The following PHLPP1 variants were observed in gnomAD, a reference collection of about 807,000 sequenced individuals.
The protein encoded by PHLPP1 is PH domain leucine-rich repeat-containing protein phosphatase 1.
Under a neutral mutation model 117.2 loss-of-function variants are expected in PHLPP1, and 42 were observed. That is an observed-to-expected ratio of 0.36 (90% CI 0.28 to 0.46). The LOEUF is 0.46. Ranked by LOEUF, PHLPP1 falls within the 20% of genes least tolerant of loss-of-function variation. The pLI is 1.00. For synonymous variants in PHLPP1, 1,042 were observed against 970.7 expected (o/e 1.07, Z -1.37); for missense variants, 2,084 against 2,241.9 (o/e 0.93, Z 1.42).
rs1188729632 is a variant in PHLPP1, at chr18:62,979,951, G to A, written c.*520G>A. 6.4e-6 allele frequency: 1 copy of A among 155,128 alleles called. No homozygotes were observed. Among genetic ancestry groups the A allele is most frequent in the Non-Finnish European group, 1.4e-5 (1 of 69,958 alleles). The allele number at this position is 155,128 out of a possible 1,614,324, so 9.6% of individuals were successfully genotyped here. ...TAGGAGTTGCTTTACTCTGTCAGGT[G>A]ACTTAAGTCACTGGGATTCACTAAT... On this transcript the variant is annotated 3_prime_UTR_variant, in exon 17 of 17. Transcript: ENST00000262719.
intron 3 of PHLPP1, among the ~76,000 whole-genome samples, chr18:62,848,396 T>C (rs1915234900): frequency 6.6e-6 from 1 of 152,206 alleles, no homozygotes; most frequent in Admixed American, 6.5e-5. Flanking sequence ...TGAAGATACT[T>C]TGTAGTAGCC....
chr18:62,732,357 T>G (rs1448437780), intron 1 of PHLPP1, among the ~76,000 whole-genome samples: 1 of 152,196 alleles, frequency 6.6e-6, no homozygotes, highest in Non-Finnish European at 1.5e-5. Context: ...CTGTCTGTGC[T>G]CTATGAGTGG....
intron 4 of PHLPP1, among the ~76,000 whole-genome samples, chr18:62,862,484 T>C (rs1476281852): frequency 6.6e-6 from 1 of 152,210 alleles, no homozygotes; most frequent in African/African-American, 2.4e-5. Flanking sequence ...CATTAGAAAT[T>C]TGAAGGCCAT....
chr18:62,954,796 T>G (rs139368457), intron 12 of PHLPP1, among the ~76,000 whole-genome samples: 115 of 152,374 alleles, frequency 7.5e-4, no homozygotes, highest in African/African-American at 2.7e-3. Context: ...ACCTAAGCAC[T>G]GGTATCTCAG....
At chr18:62,741,305 G>A (rs1911520348) in intron 1 of PHLPP1, among the ~76,000 whole-genome samples, 1 of 152,178 alleles carries the variant, frequency 6.6e-6, no homozygotes, top group Non-Finnish European at 1.5e-5. Context: ...AGGTTTGTTT[G>A]TGTTCAAAAG....
chr18:62,935,451 A>G (rs1039256902), intron 10 of PHLPP1, among the ~76,000 whole-genome samples: 1 of 152,244 alleles, frequency 6.6e-6, no homozygotes, highest in Non-Finnish European at 1.5e-5. Context: ...TTTGTAGATT[A>G]CTTTGCAAAT....
intron 1 of PHLPP1, among the ~76,000 whole-genome samples, chr18:62,728,453 T>A (rs1468043583): frequency 6.6e-6 from 1 of 152,108 alleles, no homozygotes; most frequent in Non-Finnish European, 1.5e-5. Context: ...GGAGAAATTC[T>A]GGGGGCTACC....
Position 62,972,576 on chromosome 18 carries a change from T to C in PHLPP1, c.3623T>C (p.Val1208Ala). ...FCDNREALYG[V>A]FDGDRNVEVP... Reference sequence around the variant, plus strand: ...GACAACCGCGAAGCCCTGTATGGTGTGTTTGACGGAGACCGGAATGTGGAG... The same window carrying C: ...GACAACCGCGAAGCCCTGTATGGTGCGTTTGACGGAGACCGGAATGTGGAG... The change falls in exon 15 of 17, where the codon GTG becomes GCG. Residue 1208 changes from valine (V) to alanine (A), a missense_variant. Physicochemically the swap from Val to Ala is moderately conservative, Grantham distance 64. This residue lies in a region of PHLPP1 where 1,365 missense variants were observed against 1,605.9 expected (regional missense o/e 0.85). Coordinates refer to ENST00000262719, the MANE Select transcript of PHLPP1 (RefSeq NM_194449.4). The C allele has an allele frequency of 6.2e-7, 1 of 1,613,808 alleles. No individual in the cohort carries two copies. Among genetic ancestry groups the C allele is most frequent in the Non-Finnish European group, 8.5e-7 (1 of 1,179,876 alleles).
intron 1 of PHLPP1, among the ~76,000 whole-genome samples, chr18:62,778,557 T>C (rs1251165739): frequency 6.6e-6 from 1 of 152,220 alleles, no homozygotes; most frequent in Non-Finnish European, 1.5e-5. Context: ...ACCGTGCTTA[T>C]TCCATCAGGG....
chr18:62,978,280 G>A lies in PHLPP1; in HGVS notation c.4003G>A (p.Val1335Met), dbSNP rs768534794. The A allele has an allele frequency of 3.1e-6, 5 of 1,604,148 alleles. No individual in the cohort carries two copies. Among genetic ancestry groups the A allele is most frequent in the Admixed American group, 3.4e-5 (2 of 59,604 alleles). ...IITEDGKVNG[V>M]TESTRILGYT... ...CTTCCAGGATGGCAAGGTGAACGGA[G>A]TGACTGAGTCCACGCGCATCCTGGG... The change falls in exon 17 of 17, where the codon GTG becomes ATG. Residue 1335 changes from valine to methionine, a missense_variant. Val to Met is a conservative substitution (Grantham distance 21, BLOSUM62 1). Transcript: ENST00000262719. This position sits in a 1 kb window ranked among gnomAD's most constrained non-coding sequence, Gnocchi z 7.0.
intron 1 of PHLPP1, among the ~76,000 whole-genome samples, chr18:62,726,583 CTTT>C (rs869190741): frequency 1.4e-4 from 15 of 110,020 alleles, no homozygotes; most frequent in Admixed American, 1.1e-3. Flanking sequence ...CTGTTCTGTT[CTTT>C]TTTTTTTTTT....
intron 1 of PHLPP1, among the ~76,000 whole-genome samples, chr18:62,766,916 C>G (rs1467230772): frequency 6.6e-6 from 1 of 152,040 alleles, no homozygotes; most frequent in Admixed American, 6.5e-5. Context: ...GAAAGATAAA[C>G]TGTCTACAGA....
At chr18:62,914,772 G>A (rs1198584391) in intron 8 of PHLPP1, 141 bp from the exon 9 acceptor site, 10 of 615,028 alleles carry the variant, frequency 1.6e-5, no homozygotes, top group East Asian at 1.1e-4. Flanking sequence ...AGAGAAAAGC[G>A]AATCCACACA....
At chr18:62,849,877 T>C (rs896899093) in intron 3 of PHLPP1, among the ~76,000 whole-genome samples, 1 of 137,754 alleles carries the variant, frequency 7.3e-6, no homozygotes, top group African/African-American at 2.7e-5. Context: ...GTACTTAGGA[T>C]TTTTTGAGTC....
chr18:62,740,900 G>C (rs1695611729), intron 1 of PHLPP1, among the ~76,000 whole-genome samples: 1 of 152,142 alleles, frequency 6.6e-6, no homozygotes. Context: ...CTTGAACCTG[G>C]GAGGCGGAGG....
intron 1 of PHLPP1, among the ~76,000 whole-genome samples, chr18:62,806,121 A>G (rs932532894): frequency 1.3e-5 from 2 of 152,162 alleles, no homozygotes; most frequent in African/African-American, 4.8e-5. Flanking sequence ...AGAATTTTAT[A>G]TCATATCCTT....
rs776692723 is a variant in PHLPP1 at position 62,860,590 on chromosome 18, T to C, written c.2055T>C (p.Asn685=). The C allele has an allele frequency of 3.8e-5, 61 of 1,612,426 alleles. No homozygotes were observed. The highest frequency in any genetic ancestry group is 5.1e-5 in the Non-Finnish European group (60 of 1,179,266). The part of the protein sequence containing the change: ...NPSLPAARGL[N]ELQRFTKLKS... The stretch of plus-strand genomic sequence containing the variant: ...GCCTTCCAGCTGCCAGGGGGCTTAA[T>C]GAACTGCAAAGGTAAGCCTGCAGAA... Residue 685 remains asparagine (N), a synonymous_variant, in exon 4 of 17, where the codon AAT becomes AAC. Transcript: ENST00000262719.
Position 62,814,156 on chromosome 18 carries a change from GAT to G in PHLPP1, c.1577-15875_1577-15874del, listed in dbSNP as rs1914201282. ...GATAAGTGTCTATGGTAATTTGGGA[GAT>G]ATAAATAAACCTAATCAAATTGAAT... On this transcript the variant is annotated intron_variant, in intron 1 of 16. Transcript: ENST00000262719. 3.9e-5 allele frequency among the ~76,000 whole-genome samples: 6 copies of G among 152,290 alleles called. No homozygotes were observed. In the South Asian group the frequency reaches 1.2e-3, roughly 32 times the overall value.
rs1482446320 is a variant in PHLPP1, at chr18:62,866,249, G to T, written c.2066+5648G>T. ...AAACGTTTTTGTTTTTGTGTTTTTT[G>T]TTTTTTTTTTTTTGGAGACAGAGCC... On this transcript the variant is annotated intron_variant, in intron 4 of 16. Transcript: ENST00000262719. 1.6e-4 allele frequency among the ~76,000 whole-genome samples: 22 copies of T among 141,114 alleles called. No individual in the cohort carries two copies. In the East Asian group the frequency reaches 1.8e-3, roughly 12 times the overall value. The allele number at this position is 141,114 out of a possible 152,430, so 92.6% of individuals were successfully genotyped here.
Sources: allele counts gnomAD v4.1 joint callset (sites outside exome capture counted in the v4.1 genomes callset), GRCh38; gene constraint gnomAD v4.1.1; regional missense constraint gnomAD v4.1.1; non-coding constraint Gnocchi (gnomAD v3.1); transcripts MANE v1.5; gene names NCBI Gene and HGNC (gene_info 2026-07-23, HGNC 2026-07-21).